The following STARD8 variants were observed in gnomAD, a reference collection of about 807,000 sequenced individuals.
STARD8 encodes StAR related lipid transfer domain containing 8.
A neutral mutation model predicts 69.4 loss-of-function variants in STARD8; 25 were observed. That is an observed-to-expected ratio of 0.36 (90% CI 0.26 to 0.50). The LOEUF is 0.50. STARD8 is among the 20% of genes least tolerant of loss of function. The pLI, the probability that STARD8 is intolerant of heterozygous loss-of-function variation, is 0.96. For missense variants in STARD8, 921 were observed against 932.5 expected (o/e 0.99, Z 0.16); for synonymous variants, 389 against 374.6 (o/e 1.04, Z -0.45).
At chrX:68,649,342 G>T (rs2079533499) in intron 1 of STARD8, among the ~76,000 whole-genome samples, 1 of 110,550 alleles carries the variant, frequency 9.0e-6, no homozygotes, top group Admixed American at 9.7e-5. Context: ...TCGTGATGTG[G>T]CTCAAATGTA....
At chrX:68,666,961 A>C (rs926921804) in intron 2 of STARD8, among the ~76,000 whole-genome samples, 10 of 111,803 alleles carry the variant, frequency 8.9e-5, no homozygotes, top group Non-Finnish European at 1.9e-5. Flanking sequence ...ATGCACCCAC[A>C]GCTGCCAAGT....
At chrX:68,659,993 G>A (rs944493512) in intron 1 of STARD8, among the ~76,000 whole-genome samples, 7 of 110,985 alleles carry the variant, frequency 6.3e-5, no homozygotes, top group Non-Finnish European at 9.4e-5. Flanking sequence ...GGCCCTTTTC[G>A]GGGGTGGATG....
At chrX:68,664,277 C>T (rs900156483) in intron 1 of STARD8, among the ~76,000 whole-genome samples, 16 of 111,161 alleles carry the variant, frequency 1.4e-4, no homozygotes, top group Admixed American at 4.8e-4. Flanking sequence ...ACCATTTTAG[C>T]CCAAGCCACT....
At chrX:68,671,203 G>A (rs950569153) in intron 2 of STARD8, among the ~76,000 whole-genome samples, 1 of 112,175 alleles carries the variant, frequency 8.9e-6, no homozygotes. Flanking sequence ...TTCCCACCTC[G>A]TTCCTATATT....
chrX:68,700,281 T>A (rs1026942336), intron 2 of STARD8, among the ~76,000 whole-genome samples: 1 of 112,180 alleles, frequency 8.9e-6, no homozygotes, highest in Non-Finnish European at 1.9e-5. Flanking sequence ...AGAGCAGCCC[T>A]GTAAAGTAGA....
At chrX:68,708,142 A>G (rs1036416096) in intron 2 of STARD8, among the ~76,000 whole-genome samples, 4 of 112,587 alleles carry the variant, frequency 3.6e-5, no homozygotes, top group Non-Finnish European at 5.6e-5. Flanking sequence ...GATCAAATCT[A>G]TAAGGTAACC....
intron 1 of STARD8, among the ~76,000 whole-genome samples, chrX:68,663,461 T>A (rs1336651178): frequency 8.9e-6 from 1 of 112,283 alleles, no homozygotes; most frequent in Non-Finnish European, 1.9e-5. Context: ...GCAAGATGGT[T>A]GTAATGGCCA....
At chrX:68,700,472 A>G in intron 2 of STARD8, among the ~76,000 whole-genome samples, 1 of 112,349 alleles carries the variant, frequency 8.9e-6, no homozygotes. Flanking sequence ...CTTCCCCACC[A>G]CAGAGGAACC....
intron 2 of STARD8, among the ~76,000 whole-genome samples, chrX:68,666,364 G>A (rs1482011363): frequency 8.9e-6 from 1 of 112,175 alleles, no homozygotes; most frequent in Non-Finnish European, 1.9e-5. Flanking sequence ...CTCATGACTT[G>A]AATGAGCATA....
In STARD8 at chrX:68,648,051, A is replaced by G. The variant is rs180748131; in HGVS notation, c.45+124A>G. On this transcript the variant is annotated intron_variant, in intron 1 of 14. Transcript: ENST00000374599. ...TTCTGAGACTACCTGAGGCTCTCGG[A>G]GTTAGAAAGGCTTGGGTTCAAGTCT... 1.1e-3 allele frequency: 909 copies of G among 858,899 alleles called. 8 individuals are homozygous for G. The African/African-American group carries it at 0.017, about 16-fold the overall frequency. 70.8% of individuals were successfully genotyped at this position (858,899 alleles called of 1,213,427 possible).
rs761147642 is a variant in STARD8 at position 68,685,907 on chromosome X, GAGTC to G, written c.79+20380_79+20383del. On this transcript the variant is annotated intron_variant, in intron 2 of 14. Transcript: ENST00000374599. ...GGGCGGTAAAGGGAGGCCGAGGAGTGAGTCAGTCTGTCAAGATGGCCAGAGCCAT... is the reference window on the plus strand; with the variant it reads ...GGGCGGTAAAGGGAGGCCGAGGAGTGAGTCTGTCAAGATGGCCAGAGCCAT... 3.6e-4 allele frequency among the ~76,000 whole-genome samples: 40 copies of G among 112,329 alleles called. No individual in the cohort carries two copies. In the East Asian group the frequency reaches 7.9e-3, roughly 22 times the overall value.
chrX:68,663,701 T>C (rs1016257923), intron 1 of STARD8, among the ~76,000 whole-genome samples: 2 of 111,579 alleles, frequency 1.8e-5, no homozygotes, highest in African/African-American at 6.5e-5. Flanking sequence ...TTTGTCCTTC[T>C]CTTCTACTCT....
intron 2 of STARD8, among the ~76,000 whole-genome samples, chrX:68,701,433 A>G (rs1272517474): frequency 8.9e-6 from 1 of 112,652 alleles, no homozygotes; most frequent in African/African-American, 3.2e-5. Flanking sequence ...GCCAGGAGGC[A>G]AGAGCTGAGG....
intron 2 of STARD8, among the ~76,000 whole-genome samples, chrX:68,675,018 G>A (rs961485578): frequency 2.5e-4 from 26 of 104,171 alleles, no homozygotes; most frequent in Non-Finnish European, 5.1e-4. Context: ...GTGCAATGAT[G>A]AGATCTCGGC....
chrX:68,669,326 C>T lies in STARD8; in HGVS notation c.79+3794C>T, dbSNP rs774030786. On this transcript the variant is annotated intron_variant, in intron 2 of 14. Coordinates refer to ENST00000374599, the MANE Select transcript of STARD8 (RefSeq NM_001142503.3). ...GCCAGCTGTGTGTCCTTGGGCCTCT[C>T]GCTTTCCCTCTCTGGGCCTTAGTGT... Among the ~76,000 whole-genome samples, 4 of 111,951 alleles carry T rather than the reference C, an allele frequency of 3.6e-5. No homozygotes were observed. In the South Asian group the frequency reaches 1.1e-3, roughly 32 times the overall value.
Position 68,722,157 on chromosome X carries a change from T to C in STARD8, c.2570T>C (p.Phe857Ser). 1 of 1,197,428 alleles carries C rather than the reference T, an allele frequency of 8.4e-7. No individual in the cohort carries two copies. The highest frequency in any genetic ancestry group is 1.1e-6 in the Non-Finnish European group (1 of 884,797). Reference sequence around the variant, plus strand: ...ATGATCAGTGACTGCAAGAAACTTTTCCAGGTGAGTAACCCCAGGCCATGA... The same window carrying C: ...ATGATCAGTGACTGCAAGAAACTTTCCCAGGTGAGTAACCCCAGGCCATGA... Reference protein sequence around the residue: ...SHMISDCKKLFQVPQDMVLQL... With the variant: ...SHMISDCKKLSQVPQDMVLQL... Residue 857 changes from phenylalanine (F) to serine (S), a missense_variant, in exon 11 of 15, where the codon TTC (phenylalanine) becomes TCC (serine). Transcript: ENST00000374599.
At chrX:68,701,487 T>C (rs2079965855) in intron 2 of STARD8, among the ~76,000 whole-genome samples, 1 of 112,900 alleles carries the variant, frequency 8.9e-6, no homozygotes, top group African/African-American at 3.2e-5. Flanking sequence ...CACGCACCAG[T>C]GATCAGTCAC....
chrX:68,691,909 C>T (rs1248797229), intron 2 of STARD8, among the ~76,000 whole-genome samples: 2 of 112,724 alleles, frequency 1.8e-5, no homozygotes, highest in Non-Finnish European at 3.7e-5. Flanking sequence ...TATCTTTCAA[C>T]ATTTGTTCAT....
rs1033297608 is a variant in STARD8 at position 68,718,028 on chromosome X, G to A, written c.1114G>A (p.Glu372Lys). 38 of 1,209,091 alleles carry A rather than the reference G, an allele frequency of 3.1e-5. No individual in the cohort carries two copies. Among genetic ancestry groups the A allele is most frequent in the Non-Finnish European group, 3.9e-5 (35 of 894,822 alleles). The change falls in exon 6 of 15, where the codon GAG (glutamate) becomes AAG (lysine). Residue 372 changes from glutamate (E) to lysine (K), a missense_variant. Transcript: ENST00000374599. ...AGCTGAGCCTGTAATGGTTGGGGCTGAGGCTGAAGATGAAGATGATGAGGA... is the reference window on the plus strand; with the variant it reads ...AGCTGAGCCTGTAATGGTTGGGGCTAAGGCTGAAGATGAAGATGATGAGGA... Reference protein sequence around the residue: ...YPAEPVMVGAEAEDEDDEESG... With the variant: ...YPAEPVMVGAKAEDEDDEESG...
Sources: allele counts gnomAD v4.1 joint callset (sites outside exome capture counted in the v4.1 genomes callset), GRCh38; gene constraint gnomAD v4.1.1; transcripts MANE v1.5; gene names NCBI Gene and HGNC (gene_info 2026-07-23, HGNC 2026-07-21).